Variants in PDE4D observed in about 807,000 individuals in gnomAD.
PDE4D encodes the protein phosphodiesterase 4D, also known as 3',5'-cyclic-AMP phosphodiesterase 4D.
Under a neutral mutation model 87.4 loss-of-function variants are expected in PDE4D, and 24 were observed. The observed-to-expected ratio is 0.27, with a 90% CI of 0.20 to 0.39. The LOEUF (loss-of-function observed/expected upper bound fraction) is 0.39. Ranked by LOEUF, PDE4D falls within the 10% of genes least tolerant of loss-of-function variation. The pLI is 1.00. For synonymous variants in PDE4D, 384 were observed against 383.2 expected (o/e 1.00, Z -0.02); for missense variants, 714 against 1,041.0 (o/e 0.69, Z 4.32).
intron 3 of PDE4D, among the ~76,000 whole-genome samples, chr5:59,977,786 A>G (rs1761493134): frequency 6.6e-6 from 1 of 152,332 alleles, no homozygotes; most frequent in South Asian, 2.1e-4. Flanking sequence ...TCAAAGCTTC[A>G]AAGGAAAATC....
At chr5:59,704,322 T>C (rs1216605385) in intron 1 of PDE4D, among the ~76,000 whole-genome samples, 1 of 152,212 alleles carries the variant, frequency 6.6e-6, no homozygotes, top group Non-Finnish European at 1.5e-5. Context: ...GTAAGGATAC[T>C]AGGTGAAACT....
At chr5:59,643,093 T>C (rs1470739621) in intron 1 of PDE4D, among the ~76,000 whole-genome samples, 2 of 152,058 alleles carry the variant, frequency 1.3e-5, no homozygotes, top group Admixed American at 1.3e-4. Context: ...GAAACAACAG[T>C]TTTCAGACCT....
chr5:60,089,182 A>T (rs1335621631), intron 2 of PDE4D, among the ~76,000 whole-genome samples: 1 of 152,050 alleles, frequency 6.6e-6, no homozygotes, highest in African/African-American at 2.4e-5. Context: ...TTTACTCTAG[A>T]TCAAATTGAC....
At position 60,030,799 on chromosome 5, in the gene PDE4D, C is replaced by T. The variant is rs7734168; in HGVS notation, c.43-42082G>A. ...ATGAATTTAAAAACTCACACTACCT[C>T]GTAAGGAAAATCTACAGTGGCCTAT... On this transcript the variant is annotated intron_variant, in intron 2 of 16. Transcript: ENST00000502484. The T allele has an allele frequency of 2.6e-5, 4 of 152,128 alleles. 1 individual carries two copies. Among genetic ancestry groups the T allele is most frequent in the African/African-American group, 9.6e-5 (4 of 41,508 alleles). The allele number at this position is 152,128 out of a possible 1,614,324, so 9.4% of individuals were successfully genotyped here.
intron 1 of PDE4D, among the ~76,000 whole-genome samples, chr5:59,886,386 A>G (rs1329632278): frequency 2.0e-5 from 3 of 152,056 alleles, no homozygotes; most frequent in African/African-American, 2.4e-5. Flanking sequence ...ACATGGTGGC[A>G]GGCGCCTGTA....
chr5:59,633,602 GA>G (rs1254426905), intron 1 of PDE4D, among the ~76,000 whole-genome samples: 1 of 152,174 alleles, frequency 6.6e-6, no homozygotes, highest in Non-Finnish European at 1.5e-5. Flanking sequence ...TTAAAGAGAA[GA>G]ATTTGCAACC....
At chr5:60,314,073 A>T (rs1205409845) in intron 1 of PDE4D, among the ~76,000 whole-genome samples, 1 of 152,084 alleles carries the variant, frequency 6.6e-6, no homozygotes, top group Non-Finnish European at 1.5e-5. Context: ...TCAACACAAT[A>T]CTCGAACTCC....
At chr5:59,730,548 T>A (rs945978635) in intron 1 of PDE4D, among the ~76,000 whole-genome samples, 5 of 152,154 alleles carry the variant, frequency 3.3e-5, no homozygotes, top group Non-Finnish European at 7.4e-5. Flanking sequence ...ATGAGATTCA[T>A]TTAACAAGCT....
rs1280446389 is a variant in PDE4D, at chr5:59,708,881, GAA to G, written c.455+184285_455+184286del. Among the ~76,000 whole-genome samples the G allele has an allele frequency of 4.0e-5, 6 of 149,658 alleles. No homozygotes were observed. The East Asian group carries it at 1.2e-3, about 29-fold the overall frequency. On this transcript the variant is annotated intron_variant, in intron 1 of 14. Transcript: ENST00000340635. ...TGAGTTTATGTCAATAGCATTGGCT[GAA>G]AAGTCTTAATTTCTCATCTGGCTTT... is the stretch of plus-strand genomic sequence containing the variant.
At chr5:59,917,814 A>G (rs1386254750) in intron 3 of PDE4D, among the ~76,000 whole-genome samples, 1 of 152,170 alleles carries the variant, frequency 6.6e-6, no homozygotes, top group Non-Finnish European at 1.5e-5. Flanking sequence ...AACATTTAAT[A>G]TAACCTAATA....
intron 3 of PDE4D, among the ~76,000 whole-genome samples, chr5:59,945,728 C>T (rs897076461): frequency 6.6e-6 from 1 of 152,116 alleles, no homozygotes; most frequent in African/African-American, 2.4e-5. Context: ...GTCTCAAAGC[C>T]TAATGCCAAC....
At chr5:58,987,085 G>C (rs1419756522) in intron 11 of PDE4D, among the ~76,000 whole-genome samples, 4 of 151,806 alleles carry the variant, frequency 2.6e-5, no homozygotes, top group Non-Finnish European at 4.4e-5. Context: ...ATCAGGCCAG[G>C]CTCATGTAAA....
rs1255587164 is a variant in PDE4D at position 59,995,955 on chromosome 5, T to C, written c.43-7238A>G. On this transcript the variant is annotated intron_variant, in intron 2 of 16. Transcript: ENST00000502484. ...AGAAATTAGGAAAGAGGAAATGGTA[T>C]TAGATATTGGTGTTACTAGCAATGT... Among the ~76,000 whole-genome samples the C allele has an allele frequency of 2.0e-5, 3 of 152,214 alleles. No homozygotes were observed. In the East Asian group the frequency reaches 5.8e-4, roughly 29 times the overall value.
intron 1 of PDE4D, among the ~76,000 whole-genome samples, chr5:59,535,670 T>A (rs1296559099): frequency 1.3e-5 from 2 of 152,336 alleles, no homozygotes; most frequent in Non-Finnish European, 2.9e-5. Flanking sequence ...CTTTTACCTT[T>A]AACACGTGGG....
intron 1 of PDE4D, among the ~76,000 whole-genome samples, chr5:59,416,477 GT>G (rs1038681749): frequency 6.6e-6 from 1 of 152,120 alleles, no homozygotes; most frequent in Non-Finnish European, 1.5e-5. Flanking sequence ...TAATCCAGAT[GT>G]TTGCTCTACT....
At chr5:60,453,520 C>T (rs1284311171) in intron 1 of PDE4D, among the ~76,000 whole-genome samples, 1 of 152,064 alleles carries the variant, frequency 6.6e-6, no homozygotes, top group African/African-American at 2.4e-5. Context: ...TACAGCTGGT[C>T]TAGCTTAAAG....
intron 1 of PDE4D, among the ~76,000 whole-genome samples, chr5:59,254,180 G>A (rs1760522121): frequency 6.6e-6 from 1 of 152,020 alleles, no homozygotes; most frequent in Admixed American, 6.6e-5. Flanking sequence ...GATACTTGGA[G>A]AAGAATGTAC....
At chr5:59,944,661 G>A (rs970750061) in intron 3 of PDE4D, among the ~76,000 whole-genome samples, 4 of 151,480 alleles carry the variant, frequency 2.6e-5, no homozygotes, top group East Asian at 2.0e-4. Flanking sequence ...GTGAGCCACC[G>A]CACCCAGCAG....
chr5:59,191,786 G>C (rs538832137), intron 3 of PDE4D, among the ~76,000 whole-genome samples: 2 of 152,042 alleles, frequency 1.3e-5, no homozygotes, highest in Admixed American at 1.3e-4. Flanking sequence ...GGCCAGGCTG[G>C]TCTCGAACTC....
Sources: allele counts gnomAD v4.1 joint callset (sites outside exome capture counted in the v4.1 genomes callset), GRCh38; gene constraint gnomAD v4.1.1; transcripts MANE v1.5; gene names NCBI Gene and HGNC (gene_info 2026-07-23, HGNC 2026-07-21).